MINDY2: variants seen among roughly 807,000 people sequenced by gnomAD.
MINDY2 encodes the protein MINDY lysine 48 deubiquitinase 2, also known as ubiquitin carboxyl-terminal hydrolase MINDY-2.
A neutral mutation model predicts 68.2 loss-of-function variants in MINDY2; 52 were observed. That is an observed-to-expected ratio of 0.76 (90% CI 0.61 to 0.96). MINDY2 has a LOEUF of 0.96. Among genes scored for constraint, MINDY2 ranks in the 40% least tolerant of loss-of-function variants. MINDY2 has a pLI of 0.00. For synonymous variants in MINDY2, 372 were observed against 303.0 expected (o/e 1.23, Z -2.36); for missense variants, 881 against 773.4 (o/e 1.14, Z -1.65).
chr15:58,810,423 T>C, intron 4 of MINDY2, 35 bp downstream of exon 4: 1 of 1,494,486 alleles, frequency 6.7e-7, no homozygotes, highest in Non-Finnish European at 9.0e-7. Context: ...TAAACACAAA[T>C]ACAGGAAAAA....
In MINDY2 at chr15:58,771,772, C is replaced by T; in HGVS notation, c.377C>T (p.Ala126Val). Residue 126 changes from alanine to valine, a missense_variant, in exon 1 of 9, where the codon GCC becomes GTC. Coordinates refer to ENST00000559228, the MANE Select transcript of MINDY2 (RefSeq NM_001040450.3). Reference sequence around the variant, plus strand: ...GGAGTGGGTCATGAGTTGGGTACCGCCGGAGACGCGGGAGCCCGCCCGGAT... The same window carrying T: ...GGAGTGGGTCATGAGTTGGGTACCGTCGGAGACGCGGGAGCCCGCCCGGAT... ...VAGVGHELGTAGDAGARPDLA... is the reference protein window; with the variant it reads ...VAGVGHELGTVGDAGARPDLA... The T allele has an allele frequency of 1.2e-6, 2 of 1,610,872 alleles. No homozygotes were observed. Among genetic ancestry groups the T allele is most frequent in the Non-Finnish European group, 1.7e-6 (2 of 1,179,192 alleles).
intron 7 of MINDY2, among the ~76,000 whole-genome samples, chr15:58,848,369 G>T (rs373252934): frequency 2.0e-5 from 3 of 152,150 alleles, no homozygotes; most frequent in African/African-American, 7.2e-5. Flanking sequence ...ATGCAGCCTA[G>T]TAGGGAAGGC....
At chr15:58,852,287 C>CGAAAAAAAAAA (rs772138564) in intron 8 of MINDY2, among the ~76,000 whole-genome samples, 7 of 61,932 alleles carry the variant, frequency 1.1e-4, no homozygotes, top group Non-Finnish European at 2.0e-4. Context: ...GACTCCTTCT[C>CGAAAAAAAAAA]AAAAAAAAAA....
chr15:58,861,710 C>T lies in MINDY2; in HGVS notation c.*7100C>T, dbSNP rs1277941227. 6.6e-6 allele frequency: 1 copy of T among 152,046 alleles called. No homozygotes were observed. Among genetic ancestry groups the T allele is most frequent in the Non-Finnish European group, 1.5e-5 (1 of 68,022 alleles). 9.4% of individuals were successfully genotyped at this position (152,046 alleles called of 1,614,324 possible). A position where few individuals can be genotyped will look rare whatever the true frequency, so the allele number is the denominator to read the frequency against. The stretch of plus-strand genomic sequence containing the variant: ...ATGGTAAAGTATAAAATATTTCTGA[C>T]AGAATTATTCAGTATTATTCAACAT... On this transcript the variant is annotated 3_prime_UTR_variant, in exon 9 of 9. Coordinates refer to ENST00000559228, the MANE Select transcript of MINDY2 (RefSeq NM_001040450.3).
At chr15:58,797,953 A>G (rs1419609098) in intron 2 of MINDY2, among the ~76,000 whole-genome samples, 1 of 152,174 alleles carries the variant, frequency 6.6e-6, no homozygotes, top group Non-Finnish European at 1.5e-5. Flanking sequence ...AGAGGAAACC[A>G]ATGTTCAGAG....
Position 58,849,184 on chromosome 15 carries a change from T to C in MINDY2, c.1542+1714T>C, listed in dbSNP as rs369503590. On this transcript the variant is annotated intron_variant, in intron 7 of 8. Coordinates refer to ENST00000559228, the MANE Select transcript of MINDY2 (RefSeq NM_001040450.3). ...AAGATCATGCCATTGCACTCCAACA[T>C]GGGTGACAGAGCAAGAGTCTGTCTC... Among the ~76,000 whole-genome samples, 233 of 146,672 alleles carry C rather than the reference T, an allele frequency of 1.6e-3. 6 individuals carry two copies. In the South Asian group the frequency reaches 0.048, roughly 30 times the overall value.
At position 58,831,227 on chromosome 15, in the gene MINDY2, A is replaced by T. The variant is rs528474350; in HGVS notation, c.1226-547A>T. The stretch of plus-strand genomic sequence containing the variant: ...CATTAAAAATGGCATCATTTATCCC[A>T]CGGCTTTCTGTTCAGCCTTATGCCT... On this transcript the variant is annotated intron_variant, in intron 5 of 8. Coordinates refer to ENST00000559228, the MANE Select transcript of MINDY2 (RefSeq NM_001040450.3). Among the ~76,000 whole-genome samples the T allele has an allele frequency of 2.6e-5, 4 of 152,060 alleles. No individual in the cohort carries two copies. The South Asian group carries it at 8.3e-4, about 32-fold the overall frequency.
intron 2 of MINDY2, among the ~76,000 whole-genome samples, chr15:58,793,738 A>G (rs982571003): frequency 2.6e-5 from 4 of 152,158 alleles, no homozygotes; most frequent in Non-Finnish European, 4.4e-5. Flanking sequence ...AGGTGGGTGG[A>G]TGTGGTTGCA....
intron 6 of MINDY2, among the ~76,000 whole-genome samples, chr15:58,837,828 G>T (rs1406548160): frequency 6.6e-6 from 1 of 151,854 alleles, no homozygotes; most frequent in Non-Finnish European, 1.5e-5. Flanking sequence ...AATTAGCCAG[G>T]CATGGTGGTG....
chr15:58,795,689 C>A lies in MINDY2; in HGVS notation c.899-6624C>A, dbSNP rs779270459. On this transcript the variant is annotated intron_variant, in intron 2 of 8. Coordinates refer to ENST00000559228, the MANE Select transcript of MINDY2 (RefSeq NM_001040450.3). Reference sequence around the variant, plus strand: ...AAAGTGCCGGGATTACAGGCGTGAGCCACTGCGCCCAGCCTATCGTATGTG... The same window carrying A: ...AAAGTGCCGGGATTACAGGCGTGAGACACTGCGCCCAGCCTATCGTATGTG... Among the ~76,000 whole-genome samples, 99 of 152,324 alleles carry A rather than the reference C, an allele frequency of 6.5e-4. 2 individuals carry two copies. Among genetic ancestry groups the A allele is most frequent in the Non-Finnish European group, 2.6e-4 (18 of 68,036 alleles).
At chr15:58,832,959 T>A (rs2031812794) in intron 6 of MINDY2, among the ~76,000 whole-genome samples, 1 of 152,262 alleles carries the variant, frequency 6.6e-6, no homozygotes, top group African/African-American at 2.4e-5. Context: ...TTAATGACTT[T>A]AATGTGACCA....
intron 4 of MINDY2, among the ~76,000 whole-genome samples, chr15:58,813,931 CT>C (rs60131191): frequency 0.53 from 67,659 of 126,970 alleles, 18,140 homozygotes; most frequent in East Asian, 0.91. Context: ...ACTTGCATTT[CT>C]TTTTTTTTTT....
intron 6 of MINDY2, among the ~76,000 whole-genome samples, chr15:58,845,263 A>AGT (rs2032478055): frequency 6.6e-6 from 1 of 152,060 alleles, no homozygotes; most frequent in African/African-American, 2.4e-5. Context: ...AAAATTAGCC[A>AGT]GGTGTGATGG....
chr15:58,803,299 T>A (rs1389906017), intron 3 of MINDY2, among the ~76,000 whole-genome samples: 26 of 145,072 alleles, frequency 1.8e-4, no homozygotes, highest in African/African-American at 6.3e-4. Context: ...ACCCCATTTC[T>A]ACTAAAAATA....
intron 2 of MINDY2, among the ~76,000 whole-genome samples, chr15:58,793,164 A>C (rs1902052313): frequency 6.6e-6 from 1 of 152,168 alleles, no homozygotes; most frequent in South Asian, 2.1e-4. Flanking sequence ...CTAAAATTAG[A>C]TCATGGGACT....
chr15:58,823,193 A>G (rs2031181556), intron 5 of MINDY2, among the ~76,000 whole-genome samples: 1 of 146,152 alleles, frequency 6.8e-6, no homozygotes, highest in Non-Finnish European at 1.5e-5. Flanking sequence ...GCTGGAGTGC[A>G]ATGGCGCGAT....
chr15:58,798,458 AT>A (rs33978454), intron 2 of MINDY2, among the ~76,000 whole-genome samples: 105 of 144,004 alleles, frequency 7.3e-4, no homozygotes, highest in Middle Eastern at 3.5e-3. Flanking sequence ...GTAAAAAAAA[AT>A]TTTTTTTTTT....
intron 1 of MINDY2, among the ~76,000 whole-genome samples, chr15:58,778,719 C>T (rs7178970): frequency 0.21 from 31,214 of 151,296 alleles, 3,753 homozygotes; most frequent in East Asian, 0.52. Flanking sequence ...CTCGACCTCC[C>T]GAGCTCAAGC....
intron 4 of MINDY2, among the ~76,000 whole-genome samples, chr15:58,812,643 TGGGCCCA>T (rs1215502028): frequency 6.6e-6 from 1 of 152,172 alleles, no homozygotes; most frequent in African/African-American, 2.4e-5. Flanking sequence ...GAGGACCACT[TGGGCCCA>T]GGAATTCAAG....
Sources: gnomAD v4.1 joint callset for allele counts (sites outside exome capture counted in the v4.1 genomes callset) on GRCh38, gnomAD v4.1.1 for gene constraint, MANE v1.5 for transcripts, NCBI Gene and HGNC (gene_info 2026-07-23, HGNC 2026-07-21) for gene names.